Variants in TMEM108 observed in about 807,000 individuals in gnomAD.
The protein encoded by TMEM108 is transmembrane protein 108, also known as cancer/testis antigen 124.
TMEM108 carries 12 observed loss-of-function variants against 35.1 expected under a neutral mutation model. The ratio of observed to expected loss-of-function variants is 0.34; its 90% CI spans 0.22 to 0.55. The LOEUF (loss-of-function observed/expected upper bound fraction) is 0.55. Among genes scored for constraint, TMEM108 ranks in the 20% least tolerant of loss-of-function variants. The pLI is 0.89. For missense variants in TMEM108, 680 were observed against 753.3 expected, an observed-to-expected ratio of 0.90 and a Z score of 1.14; for synonymous variants, 287 against 308.6, an observed-to-expected ratio of 0.93 and a Z score of 0.73.
At chr3:133,235,629 A>G (rs1366229101) in intron 3 of TMEM108, among the ~76,000 whole-genome samples, 1 of 152,192 alleles carries the variant, frequency 6.6e-6, no homozygotes, top group African/African-American at 2.4e-5. Context: ...CATGCCATAT[A>G]GAAGTCCTAC....
At chr3:133,272,905 A>C (rs1343932097) in intron 3 of TMEM108, among the ~76,000 whole-genome samples, 1 of 152,176 alleles carries the variant, frequency 6.6e-6, no homozygotes, top group Non-Finnish European at 1.5e-5. Flanking sequence ...GATGCTTAAC[A>C]TATATTGAGT....
At chr3:133,241,867 G>A (rs895719305) in intron 3 of TMEM108, among the ~76,000 whole-genome samples, 3 of 152,086 alleles carry the variant, frequency 2.0e-5, no homozygotes, top group Non-Finnish European at 4.4e-5. Flanking sequence ...ACCTGCCACA[G>A]CCTCCCAAAG....
chr3:133,300,533 G>A (rs938881755), intron 3 of TMEM108, among the ~76,000 whole-genome samples: 1 of 152,160 alleles, frequency 6.6e-6, no homozygotes, highest in Admixed American at 6.5e-5. Context: ...AAGATCCCTG[G>A]AAAGAGGAGG....
At chr3:133,392,695 A>G (rs1430662198) in intron 5 of TMEM108, among the ~76,000 whole-genome samples, 1 of 152,128 alleles carries the variant, frequency 6.6e-6, no homozygotes, top group Non-Finnish European at 1.5e-5. Context: ...GATTACGTAG[A>G]TGGTACTGCC....
chr3:133,073,510 C>CTCTCTCTCTCTCTCTCTATATATATATA, intron 2 of TMEM108, among the ~76,000 whole-genome samples: 5 of 43,908 alleles, frequency 1.1e-4, no homozygotes, highest in African/African-American at 3.6e-4. Context: ...CTCTCTCTCT[C>CTCTCTCTCTCTCTCTCTATATATATATA]TATATATATA....
At chr3:133,297,753 A>T (rs1159631826) in intron 3 of TMEM108, among the ~76,000 whole-genome samples, 1 of 152,218 alleles carries the variant, frequency 6.6e-6, no homozygotes, top group African/African-American at 2.4e-5. Context: ...TGGGGACCAC[A>T]TGAACACAGA....
chr3:133,086,230 T>C (rs1943880169), intron 2 of TMEM108, among the ~76,000 whole-genome samples: 1 of 152,334 alleles, frequency 6.6e-6, no homozygotes, highest in South Asian at 2.1e-4. Context: ...AATCAGCTTA[T>C]TCGTTTCAGT....
intron 3 of TMEM108, among the ~76,000 whole-genome samples, chr3:133,363,855 A>G (rs148437288): frequency 6.1e-4 from 93 of 152,330 alleles, no homozygotes; most frequent in African/African-American, 2.2e-3. Flanking sequence ...TTCAACATGT[A>G]ATCAATACAA....
At chr3:133,318,578 A>AT (rs1323484522) in intron 3 of TMEM108, among the ~76,000 whole-genome samples, 2 of 152,158 alleles carry the variant, frequency 1.3e-5, no homozygotes, top group Non-Finnish European at 2.9e-5. Flanking sequence ...TAAGTACCTC[A>AT]TTTTTTACTC....
In TMEM108 at chr3:133,314,398, A is replaced by G. The variant is rs534684663; in HGVS notation, c.41-65354A>G. 2.8e-3 allele frequency among the ~76,000 whole-genome samples: 434 copies of G among 152,318 alleles called. 1 individual carries two copies. The highest frequency in any genetic ancestry group is 0.01 in the African/African-American group (422 of 41,572). On this transcript the variant is annotated intron_variant, in intron 3 of 5. Coordinates refer to ENST00000321871, the MANE Select transcript of TMEM108 (RefSeq NM_023943.4). Reference sequence around the variant, plus strand: ...AAATAGAAGGATCAGTTGCCTTCAAAAGCGCTTTTAGATTATTAGCTGTGA... The same window carrying G: ...AAATAGAAGGATCAGTTGCCTTCAAGAGCGCTTTTAGATTATTAGCTGTGA...
At chr3:133,215,008 A>G (rs1945886300) in intron 2 of TMEM108, among the ~76,000 whole-genome samples, 1 of 152,138 alleles carries the variant, frequency 6.6e-6, no homozygotes, top group Non-Finnish European at 1.5e-5. Flanking sequence ...GGGGGCTGCT[A>G]TTGTATATAG....
intron 2 of TMEM108, among the ~76,000 whole-genome samples, chr3:133,059,835 G>A (rs1943516341): frequency 6.6e-6 from 1 of 151,860 alleles, no homozygotes; most frequent in African/African-American, 2.4e-5. Context: ...TTTTTGAGGA[G>A]CAAGGACAAG....
At chr3:133,226,945 G>A (rs1946080428) in intron 2 of TMEM108, among the ~76,000 whole-genome samples, 1 of 152,064 alleles carries the variant, frequency 6.6e-6, no homozygotes, top group South Asian at 2.1e-4. Context: ...ATGGTGGCAG[G>A]CAAAGAGAGA....
intron 2 of TMEM108, among the ~76,000 whole-genome samples, chr3:133,078,630 A>G (rs1483758771): frequency 6.6e-6 from 1 of 152,262 alleles, no homozygotes; most frequent in Non-Finnish European, 1.5e-5. Context: ...AATCAACTCA[A>G]GAATAAATAC....
At chr3:133,191,609 T>G (rs1945498789) in intron 2 of TMEM108, among the ~76,000 whole-genome samples, 1 of 152,206 alleles carries the variant, frequency 6.6e-6, no homozygotes. Context: ...CTGCCAGTTT[T>G]GTGGTACAGG....
At chr3:133,290,748 AG>A (rs1336485169) in intron 3 of TMEM108, among the ~76,000 whole-genome samples, 4 of 152,248 alleles carry the variant, frequency 2.6e-5, no homozygotes, top group Admixed American at 6.5e-5. Flanking sequence ...TTAATGAAAA[AG>A]CAAAAGAAAA....
chr3:133,380,590 C>T lies in TMEM108; in HGVS notation c.879C>T (p.Ser293=). The T allele has an allele frequency of 1.9e-6, 3 of 1,613,162 alleles. No homozygotes were observed. Among genetic ancestry groups the T allele is most frequent in the Non-Finnish European group, 2.5e-6 (3 of 1,179,480 alleles). ...AAQGGGSTFT[S]QGGTPDATAA... ...AGGGGGGTGGTTCTACCTTCACCAG[C>T]CAAGGAGGGACACCAGATGCCACAG... is the stretch of plus-strand genomic sequence containing the variant. The change falls in exon 4 of 6, where the codon AGC becomes AGT. Residue 293 remains serine (S), a synonymous_variant. Transcript: ENST00000321871. The surrounding 1 kb of genome is among the most constrained non-coding windows in gnomAD (Gnocchi z 5.3).
chr3:133,054,114 A>T (rs1294930035), intron 2 of TMEM108, among the ~76,000 whole-genome samples: 3 of 152,214 alleles, frequency 2.0e-5, no homozygotes, highest in Non-Finnish European at 4.4e-5. Context: ...GCTGGGGTAG[A>T]ACATGAGACC....
intron 2 of TMEM108, among the ~76,000 whole-genome samples, chr3:133,202,178 C>T (rs112678775): frequency 0.015 from 2,284 of 151,956 alleles, 77 homozygotes; most frequent in African/African-American, 0.051. Context: ...TGTTTAATTC[C>T]TTGTAGATTC....
Sources: gnomAD v4.1 joint callset for allele counts (sites outside exome capture counted in the v4.1 genomes callset) on GRCh38, gnomAD v4.1.1 for gene constraint, Gnocchi (gnomAD v3.1) non-coding constraint, MANE v1.5 for transcripts, NCBI Gene and HGNC (gene_info 2026-07-23, HGNC 2026-07-21) for gene names.